Variants in C12orf42 observed in about 807,000 individuals in gnomAD.
The protein encoded by C12orf42 is uncharacterized protein C12orf42.
A neutral mutation model predicts 21.6 loss-of-function variants in C12orf42; 25 were observed. The ratio of observed to expected loss-of-function variants is 1.16; its 90% CI spans 0.84 to 1.62. The LOEUF is 1.62. C12orf42 is among the 40% of genes most tolerant of loss of function. C12orf42 has a pLI of 0.00. For missense variants in C12orf42, 483 were observed against 459.3 expected, an observed-to-expected ratio of 1.05 and a Z score of -0.47; for synonymous variants, 174 against 175.0, an observed-to-expected ratio of 0.99 and a Z score of 0.05.
At chr12:103,446,511 A>C (rs906264924) in intron 2 of C12orf42, among the ~76,000 whole-genome samples, 1 of 152,054 alleles carries the variant, frequency 6.6e-6, no homozygotes, top group South Asian at 2.1e-4. Flanking sequence ...CTCACATCTC[A>C]ATACTTACAT....
At chr12:103,470,449 G>A (rs1050191568) in intron 2 of C12orf42, among the ~76,000 whole-genome samples, 1 of 152,160 alleles carries the variant, frequency 6.6e-6, no homozygotes, top group African/African-American at 2.4e-5. Flanking sequence ...ATTCATTCAT[G>A]GTGAGAACAT....
chr12:103,507,504 CAA>C, the C12orf42 span, among the ~76,000 whole-genome samples: 104 of 126,390 alleles, frequency 8.2e-4, no homozygotes, highest in Admixed American at 1.1e-3. Flanking sequence ...ACCCCATCTT[CAA>C]AAAAAAAAAA....
intron 4 of C12orf42, among the ~76,000 whole-genome samples, chr12:103,364,032 G>T (rs2044362991): frequency 6.6e-6 from 1 of 152,012 alleles, no homozygotes; most frequent in South Asian, 2.1e-4. Context: ...CCCAACAACT[G>T]CAGAATATAC....
the C12orf42 span, among the ~76,000 whole-genome samples, chr12:103,143,589 C>A: frequency 6.6e-6 from 1 of 152,198 alleles, no homozygotes; most frequent in Non-Finnish European, 1.5e-5. Context: ...TCATGGCAGA[C>A]TTTTAAGGCC....
chr12:103,231,755 TA>T, the C12orf42 span, among the ~76,000 whole-genome samples: 1 of 152,248 alleles, frequency 6.6e-6, no homozygotes, highest in Non-Finnish European at 1.5e-5. Flanking sequence ...AAATTATGAA[TA>T]AAGCTGTTAT....
chr12:103,300,081 A>G (rs2037548633), downstream of C12orf42, among the ~76,000 whole-genome samples: 1 of 152,214 alleles, frequency 6.6e-6, no homozygotes, highest in African/African-American at 2.4e-5. Context: ...ACAAATCTAC[A>G]TAGACTTTGG....
At chr12:103,516,984 T>C in the C12orf42 span, among the ~76,000 whole-genome samples, 1 of 152,184 alleles carries the variant, frequency 6.6e-6, no homozygotes, top group East Asian at 1.9e-4. Flanking sequence ...TTAAAGGGAC[T>C]ACCAAGAAAG....
chr12:103,050,989 G>T, the C12orf42 span, among the ~76,000 whole-genome samples: 1 of 151,898 alleles, frequency 6.6e-6, no homozygotes, highest in South Asian at 2.1e-4. Context: ...ATTCCTAAAC[G>T]GCCCATTTAC....
chr12:103,401,717 T>C, intron 2 of C12orf42, 42 bp from the exon 3 acceptor site: 4 of 1,562,818 alleles, frequency 2.6e-6, no homozygotes, highest in Non-Finnish European at 3.5e-6. Flanking sequence ...ACTTCAATAA[T>C]TCTTACAAAG....
chr12:103,226,691 G>A, the C12orf42 span, among the ~76,000 whole-genome samples: 1 of 152,148 alleles, frequency 6.6e-6, no homozygotes, highest in South Asian at 2.1e-4. Context: ...GAGGAGAAGA[G>A]GCTGAGGAAG....
At chr12:103,133,458 G>C in the C12orf42 span, among the ~76,000 whole-genome samples, 3 of 152,094 alleles carry the variant, frequency 2.0e-5, no homozygotes, top group Admixed American at 1.3e-4. Context: ...CCAAGAACAG[G>C]CATGCTCATC....
chr12:103,289,366 A>G (rs1199435089), intron 4 of C12orf42, among the ~76,000 whole-genome samples: 1 of 152,178 alleles, frequency 6.6e-6, no homozygotes, highest in Non-Finnish European at 1.5e-5. Context: ...CAAAGAGCAT[A>G]CCAGACAAAA....
the C12orf42 span, among the ~76,000 whole-genome samples, chr12:103,185,887 G>T: frequency 0.011 from 1,663 of 152,094 alleles, 27 homozygotes; most frequent in African/African-American, 0.037. Flanking sequence ...TTCCAGTTTC[G>T]GGTATGTCTT....
At chr12:103,143,836 A>G in the C12orf42 span, among the ~76,000 whole-genome samples, 3 of 152,236 alleles carry the variant, frequency 2.0e-5, no homozygotes, top group Non-Finnish European at 4.4e-5. Flanking sequence ...TATTAATCCC[A>G]GCTCTGCCAT....
intron 4 of C12orf42, among the ~76,000 whole-genome samples, chr12:103,284,949 G>T (rs2036352203): frequency 6.6e-6 from 1 of 152,066 alleles, no homozygotes; most frequent in Non-Finnish European, 1.5e-5. Flanking sequence ...TACCTATTGT[G>T]CCTAACACAC....
the C12orf42 span, among the ~76,000 whole-genome samples, chr12:103,524,766 A>C: frequency 6.6e-6 from 1 of 152,210 alleles, no homozygotes; most frequent in African/African-American, 2.4e-5. Context: ...GACTGCACAT[A>C]AGTGCCAAGA....
intron 1 of C12orf42, among the ~76,000 whole-genome samples, chr12:103,493,838 A>G (rs1250882195): frequency 6.6e-6 from 1 of 152,158 alleles, no homozygotes; most frequent in Non-Finnish European, 1.5e-5. Flanking sequence ...AAATTGTTAA[A>G]TACACTTAAA....
At chr12:103,160,651 G>T in the C12orf42 span, among the ~76,000 whole-genome samples, 764 of 152,260 alleles carry the variant, frequency 5.0e-3, 11 homozygotes, top group African/African-American at 0.017. Context: ...ACTGAACAGT[G>T]CAACACCCCA....
chr12:103,069,448 C>A, the C12orf42 span, among the ~76,000 whole-genome samples: 1 of 152,098 alleles, frequency 6.6e-6, no homozygotes, highest in Admixed American at 6.6e-5. Flanking sequence ...CTTAAACATG[C>A]TCAGAACACT....
Sources: allele counts gnomAD v4.1 joint callset (sites outside exome capture counted in the v4.1 genomes callset), GRCh38; gene constraint gnomAD v4.1.1; transcripts MANE v1.5; gene names NCBI Gene and HGNC (gene_info 2026-07-23, HGNC 2026-07-21).